Variants in PPME1 observed in about 807,000 individuals in gnomAD.
PPME1 encodes the protein protein phosphatase methylesterase 1.
Under a neutral mutation model 56.9 loss-of-function variants are expected in PPME1, and 17 were observed. The observed-to-expected ratio is 0.30, with a 90% CI of 0.20 to 0.45. PPME1 has a LOEUF of 0.45. PPME1 is among the 20% of genes least tolerant of loss of function. PPME1 has a pLI of 1.00. For synonymous variants in PPME1, 122 were observed against 156.2 expected (o/e 0.78, Z 1.63); for missense variants, 357 against 483.2 (o/e 0.74, Z 2.45).
intron 11 of PPME1, chr11:74,248,494 A>G (rs1442394671): frequency 6.6e-6 from 1 of 152,178 alleles, no homozygotes; most frequent in Admixed American, 6.5e-5. Context: ...TAGTTGTTCA[A>G]AGGCTCTCAC....
At chr11:74,212,752 G>A (rs886989262) in intron 3 of PPME1, among the ~76,000 whole-genome samples, 1 of 152,098 alleles carries the variant, frequency 6.6e-6, no homozygotes, top group Non-Finnish European at 1.5e-5. Flanking sequence ...GAGCTAGAAG[G>A]GAGCCTGCTT....
intron 3 of PPME1, among the ~76,000 whole-genome samples, chr11:74,221,474 C>A (rs938255539): frequency 1.3e-5 from 2 of 152,052 alleles, no homozygotes; most frequent in Non-Finnish European, 2.9e-5. Flanking sequence ...TTGTGATTTA[C>A]GTTGACTTTT....
rs866562265 is a variant in PPME1 at position 74,225,221 on chromosome 11, G to T, written c.363G>T (p.Lys121Asn). ...TCATTTTAGGTGAAACAAAGGTCAA[G>T]AATCCTGAAGATCTGTCTGCAGAAA... The part of the protein sequence containing the change: ...DLRSHGETKV[K>N]NPEDLSAETM... Residue 121 changes from lysine (K) to asparagine (N), a missense_variant, in exon 5 of 14, where the codon AAG becomes AAT. By Grantham distance (94) the Lys-to-Asn change is moderately conservative. Coordinates refer to ENST00000328257, the MANE Select transcript of PPME1 (RefSeq NM_016147.3). 6.4e-7 allele frequency: 1 copy of T among 1,565,562 alleles called. No individual in the cohort carries two copies. Among genetic ancestry groups the T allele is most frequent in the Non-Finnish European group, 8.7e-7 (1 of 1,153,102 alleles).
chr11:74,238,173 T>G (rs901995595), intron 8 of PPME1: 1 of 151,632 alleles, frequency 6.6e-6, no homozygotes, highest in African/African-American at 2.4e-5. Context: ...TTACACTGTT[T>G]TTTTTTTTTT....
At chr11:74,187,929 G>A (rs1565377156) in intron 1 of PPME1, among the ~76,000 whole-genome samples, 1 of 152,176 alleles carries the variant, frequency 6.6e-6, no homozygotes, top group Non-Finnish European at 1.5e-5. Context: ...AATCACTGGT[G>A]TCTTTTAAAG....
intron 1 of PPME1, among the ~76,000 whole-genome samples, chr11:74,184,126 G>A (rs750383959): frequency 6.6e-6 from 1 of 152,074 alleles, no homozygotes; most frequent in Non-Finnish European, 1.5e-5. Context: ...TGGCTGTGAG[G>A]ATTAAATTTG....
At chr11:74,195,538 C>A (rs1456447184) in intron 1 of PPME1, among the ~76,000 whole-genome samples, 1 of 152,090 alleles carries the variant, frequency 6.6e-6, no homozygotes, top group Non-Finnish European at 1.5e-5. Flanking sequence ...GCTTCTTATT[C>A]TTTGCTTTTA....
chr11:74,241,055 C>T (rs899972949), intron 9 of PPME1, among the ~76,000 whole-genome samples: 4 of 152,044 alleles, frequency 2.6e-5, no homozygotes, highest in Non-Finnish European at 4.4e-5. Context: ...TTTTTATAAG[C>T]CCAATTATGT....
intron 5 of PPME1, among the ~76,000 whole-genome samples, chr11:74,227,219 A>T (rs1168074782): frequency 6.6e-6 from 1 of 152,192 alleles, no homozygotes; most frequent in African/African-American, 2.4e-5. Context: ...CCCTCCATTA[A>T]CATAGCTTAA....
chr11:74,199,103 T>A (rs1858074306), intron 1 of PPME1, among the ~76,000 whole-genome samples: 1 of 152,218 alleles, frequency 6.6e-6, no homozygotes, highest in African/African-American at 2.4e-5. Flanking sequence ...GGCTGGGTCC[T>A]TATCTGCCTG....
intron 3 of PPME1, among the ~76,000 whole-genome samples, chr11:74,221,006 C>T (rs1226585558): frequency 6.6e-6 from 1 of 152,080 alleles, no homozygotes; most frequent in Non-Finnish European, 1.5e-5. Flanking sequence ...GTATTTTTCC[C>T]TCCTGTAACC....
At chr11:74,182,681 C>G (rs1408798246) in intron 1 of PPME1, among the ~76,000 whole-genome samples, 1 of 152,114 alleles carries the variant, frequency 6.6e-6, no homozygotes, top group Non-Finnish European at 1.5e-5. Flanking sequence ...TAACATGGTT[C>G]TCATTGCCTG....
At chr11:74,236,922 T>G (rs1859204072) in intron 8 of PPME1, among the ~76,000 whole-genome samples, 1 of 152,230 alleles carries the variant, frequency 6.6e-6, no homozygotes, top group African/African-American at 2.4e-5. Flanking sequence ...CATTTCTGAT[T>G]GTCTCATAAA....
At chr11:74,237,147 T>C (rs1370776355) in intron 8 of PPME1, among the ~76,000 whole-genome samples, 2 of 149,526 alleles carry the variant, frequency 1.3e-5, no homozygotes, top group East Asian at 3.9e-4. Flanking sequence ...AACATATTCC[T>C]TTGTTCCTTA....
At chr11:74,231,691 G>A (rs931130844) in intron 7 of PPME1, among the ~76,000 whole-genome samples, 1 of 152,136 alleles carries the variant, frequency 6.6e-6, no homozygotes, top group Non-Finnish European at 1.5e-5. Context: ...TAGACTAGGT[G>A]GTTTCTAAGG....
intron 11 of PPME1, 108 bp from the exon 12 acceptor site, chr11:74,250,846 A>G (rs1195421414): frequency 1.5e-5 from 13 of 856,720 alleles, no homozygotes; most frequent in Non-Finnish European, 2.5e-5. Context: ...TATTGAGGTG[A>G]GGTTGGAAAT....
intron 13 of PPME1, among the ~76,000 whole-genome samples, chr11:74,253,117 G>A (rs1037220767): frequency 3.9e-5 from 6 of 152,194 alleles, no homozygotes; most frequent in African/African-American, 1.4e-4. Flanking sequence ...CCTGGGAGAT[G>A]AGAGTGACAG....
chr11:74,249,242 C>G (rs1396843465), intron 11 of PPME1: 1 of 152,188 alleles, frequency 6.6e-6, no homozygotes, highest in African/African-American at 2.4e-5. Flanking sequence ...GATTCCAAAC[C>G]ACAGCTTTGC....
At chr11:74,199,070 A>G (rs17132821) in intron 1 of PPME1, among the ~76,000 whole-genome samples, 2,639 of 152,210 alleles carry the variant, frequency 0.017, 77 homozygotes, top group African/African-American at 0.061. Context: ...GTTTGTTTTC[A>G]GTGTTCCCTA....
Sources: allele counts gnomAD v4.1 joint callset (sites outside exome capture counted in the v4.1 genomes callset), GRCh38; gene constraint gnomAD v4.1.1; transcripts MANE v1.5; gene names NCBI Gene and HGNC (gene_info 2026-07-23, HGNC 2026-07-21).